Variants in CWF19L2 observed in about 807,000 individuals in gnomAD.
The protein encoded by CWF19L2 is CWF19-like protein 2.
A neutral mutation model predicts 111.7 loss-of-function variants in CWF19L2; 98 were observed. That is an observed-to-expected ratio of 0.88 (90% CI 0.75 to 1.04). CWF19L2 has a LOEUF of 1.04. CWF19L2 is among the 50% of genes least tolerant of loss of function. The pLI is 0.00. For synonymous variants in CWF19L2, 351 were observed against 342.9 expected, an observed-to-expected ratio of 1.02 and a Z score of -0.26; for missense variants, 1,101 against 1,051.4, an observed-to-expected ratio of 1.05 and a Z score of -0.65.
intron 10 of CWF19L2, among the ~76,000 whole-genome samples, chr11:107,399,968 A>G (rs1860977228): frequency 6.6e-6 from 1 of 152,228 alleles, no homozygotes; most frequent in Non-Finnish European, 1.5e-5. Context: ...CTGAATGAGC[A>G]CTGGGTCAAA....
intron 15 of CWF19L2, among the ~76,000 whole-genome samples, chr11:107,336,242 G>C (rs760788488): frequency 2.6e-5 from 4 of 150,984 alleles, no homozygotes; most frequent in Admixed American, 1.3e-4. Flanking sequence ...CGCCTCCTGG[G>C]TTGAAGTGAT....
chr11:107,382,900 G>C (rs190366598), intron 12 of CWF19L2, among the ~76,000 whole-genome samples: 1 of 152,300 alleles, frequency 6.6e-6, no homozygotes, highest in East Asian at 1.9e-4. Flanking sequence ...CCTATGCAAT[G>C]GGGGAAGGAA....
At chr11:107,405,082 A>T (rs1861058121) in intron 10 of CWF19L2, among the ~76,000 whole-genome samples, 2 of 152,232 alleles carry the variant, frequency 1.3e-5, no homozygotes, top group African/African-American at 4.8e-5. Flanking sequence ...CCATAAGCTG[A>T]GGATGGTCTT....
At chr11:107,403,618 T>G (rs756466746) in intron 10 of CWF19L2, 2 of 779,294 alleles carry the variant, frequency 2.6e-6, no homozygotes, top group Admixed American at 1.7e-5. Flanking sequence ...CTGTCTCCAT[T>G]GGAATGTTCT....
At chr11:107,367,953 C>T (rs1860455924) in intron 12 of CWF19L2, among the ~76,000 whole-genome samples, 1 of 136,840 alleles carries the variant, frequency 7.3e-6, no homozygotes, top group East Asian at 2.1e-4. Context: ...ATAGCAAAAG[C>T]AATGTTGAGA....
chr11:107,372,739 G>C (rs1049247837), intron 12 of CWF19L2, among the ~76,000 whole-genome samples: 2 of 134,550 alleles, frequency 1.5e-5, no homozygotes, highest in Non-Finnish European at 3.1e-5. Context: ...TGGTAGACCA[G>C]ATAAGAAACA....
Position 107,429,012 on chromosome 11 carries a change from TTTCTAAAACCACTACACA to T in CWF19L2, c.1202_1219del (p.Leu401_Lys407delinsTer). On this transcript the variant is annotated stop_gained and inframe_deletion, in exon 8 of 18. Coordinates refer to ENST00000282251, the MANE Select transcript of CWF19L2 (RefSeq NM_152434.3). LOFTEE classifies it high-confidence loss of function. ...TCTTTCTTCACTGTTCTTGGTGGGT[TTTCTAAAACCACTACACA>T]AAGAGCCCTGAGCTACCAATGCTGA... The T allele has an allele frequency of 6.2e-7, 1 of 1,613,778 alleles. No individual in the cohort carries two copies. Among genetic ancestry groups the T allele is most frequent in the East Asian group, 2.2e-5 (1 of 44,856 alleles).
chr11:107,383,566 C>A (rs1037786292), intron 12 of CWF19L2, among the ~76,000 whole-genome samples: 56 of 151,982 alleles, frequency 3.7e-4, no homozygotes, highest in African/African-American at 9.2e-4. Flanking sequence ...GATAAAAAAA[C>A]CAAGAATCAT....
At chr11:107,430,051 G>T (rs894367480) in intron 7 of CWF19L2, among the ~76,000 whole-genome samples, 1 of 151,964 alleles carries the variant, frequency 6.6e-6, no homozygotes, top group African/African-American at 2.4e-5. Context: ...CTTCCAGAAA[G>T]ATGGAGCAAA....
intron 8 of CWF19L2, among the ~76,000 whole-genome samples, chr11:107,425,872 T>C (rs1861368930): frequency 6.6e-6 from 1 of 151,970 alleles, no homozygotes; most frequent in Admixed American, 6.6e-5. Context: ...TTAATTTTTG[T>C]TCACATTACA....
intron 10 of CWF19L2, among the ~76,000 whole-genome samples, chr11:107,395,835 T>A (rs1860914036): frequency 6.6e-6 from 1 of 152,212 alleles, no homozygotes; most frequent in Non-Finnish European, 1.5e-5. Context: ...TTTGTCTATA[T>A]TTATCTCTTT....
chr11:107,433,767 A>G lies in CWF19L2; in HGVS notation c.665-18T>C. The G allele has an allele frequency of 8.0e-7, 1 of 1,252,508 alleles. No homozygotes were observed. Among genetic ancestry groups the G allele is most frequent in the Non-Finnish European group, 1.1e-6 (1 of 889,402 alleles). 77.6% of individuals were successfully genotyped at this position (1,252,508 alleles called of 1,614,324 possible). On this transcript the variant is annotated intron_variant, in intron 6 of 17. Transcript: ENST00000282251. The stretch of plus-strand genomic sequence containing the variant: ...CACTGAAACTAAATTCCAGTATTAA[A>G]TATTAGTTATACTTTTAATGTGGTT...
intron 14 of CWF19L2, chr11:107,345,524 T>A: frequency 2.2e-6 from 1 of 448,316 alleles, no homozygotes; most frequent in Non-Finnish European, 4.5e-6. Context: ...ACTCAAAATG[T>A]CATGAATTAT....
chr11:107,402,871 G>GCA (rs1861022411), intron 10 of CWF19L2, among the ~76,000 whole-genome samples: 1 of 57,120 alleles, frequency 1.8e-5, no homozygotes, highest in Non-Finnish European at 3.0e-5. Context: ...AAACTGTGGT[G>GCA]TGTATATATA....
intron 14 of CWF19L2, 143 bp from the exon 15 acceptor site, chr11:107,336,856 A>G: frequency 1.8e-6 from 1 of 544,282 alleles, no homozygotes; most frequent in Non-Finnish European, 3.1e-6. Context: ...AAACAGTAAT[A>G]TCTGAACTCT....
intron 12 of CWF19L2, among the ~76,000 whole-genome samples, chr11:107,379,954 G>A (rs762489596): frequency 4.7e-5 from 7 of 149,116 alleles, no homozygotes; most frequent in South Asian, 2.1e-4. Flanking sequence ...CCAGCTATTC[G>A]GGAGGCTGAG....
chr11:107,367,747 C>T (rs1432837635), intron 12 of CWF19L2, among the ~76,000 whole-genome samples: 1 of 131,106 alleles, frequency 7.6e-6, no homozygotes, highest in Non-Finnish European at 1.6e-5. Context: ...TTACTGGGTG[C>T]AGCGTACCAG....
chr11:107,352,544 T>C (rs1310732701), intron 13 of CWF19L2, among the ~76,000 whole-genome samples: 1 of 152,134 alleles, frequency 6.6e-6, no homozygotes, highest in African/African-American at 2.4e-5. Flanking sequence ...TGAACATAAC[T>C]CTTATTTAAG....
At chr11:107,418,318 G>A (rs776709546) in intron 8 of CWF19L2, 31 bp from the exon 9 acceptor site, 2 of 1,392,052 alleles carry the variant, frequency 1.4e-6, no homozygotes, top group Non-Finnish European at 2.0e-6. Context: ...AACAGCATAT[G>A]AAATATAGGT....
Sources: allele counts gnomAD v4.1 joint callset (sites outside exome capture counted in the v4.1 genomes callset), GRCh38; gene constraint gnomAD v4.1.1; transcripts MANE v1.5; gene names NCBI Gene and HGNC (gene_info 2026-07-23, HGNC 2026-07-21).